The following DYM variants were observed in gnomAD, a reference collection of about 807,000 sequenced individuals.
DYM encodes the protein dyggve-Melchior-Clausen syndrome protein.
A neutral mutation model predicts 93.1 loss-of-function variants in DYM; 78 were observed. The observed-to-expected ratio is 0.84, with a 90% CI of 0.70 to 1.01. DYM has a LOEUF of 1.01. Ranked by LOEUF, DYM falls within the 50% of genes least tolerant of loss-of-function variation. The pLI is 0.00. For synonymous variants in DYM, 321 were observed against 319.7 expected (o/e 1.00, Z -0.04); for missense variants, 789 against 845.0 (o/e 0.93, Z 0.82).
At chr18:49,216,934 C>T (rs1216595159) in intron 13 of DYM, among the ~76,000 whole-genome samples, 2 of 152,156 alleles carry the variant, frequency 1.3e-5, no homozygotes, top group Non-Finnish European at 2.9e-5. Context: ...GAGAAGAAGA[C>T]TTCAGACAAT....
intron 13 of DYM, among the ~76,000 whole-genome samples, chr18:49,236,372 C>A (rs145168237): frequency 6.6e-6 from 1 of 151,732 alleles, no homozygotes; most frequent in Non-Finnish European, 1.5e-5. Context: ...CCTAGCTACT[C>A]GAGAGGCTGA....
At chr18:49,080,800 C>A (rs1316380081) in intron 17 of DYM, among the ~76,000 whole-genome samples, 2 of 148,122 alleles carry the variant, frequency 1.4e-5, no homozygotes, top group South Asian at 2.1e-4. Flanking sequence ...GGATGCCGGG[C>A]GGAGGGTCTC....
chr18:49,111,509 C>A (rs1017668025), intron 16 of DYM, among the ~76,000 whole-genome samples: 1 of 152,140 alleles, frequency 6.6e-6, no homozygotes, highest in Non-Finnish European at 1.5e-5. Flanking sequence ...AATTAGGGCA[C>A]ATCTCTTCTT....
intron 15 of DYM, among the ~76,000 whole-genome samples, chr18:49,153,336 T>C (rs977347035): frequency 2.0e-5 from 3 of 152,180 alleles, no homozygotes; most frequent in Admixed American, 2.0e-4. Flanking sequence ...TCTATTTAAG[T>C]TCAAAGCAGT....
intron 13 of DYM, among the ~76,000 whole-genome samples, chr18:49,224,571 G>A (rs2093466020): frequency 6.6e-6 from 1 of 151,964 alleles, no homozygotes; most frequent in Non-Finnish European, 1.5e-5. Flanking sequence ...GGTCATGAGG[G>A]TACAGCCTTC....
chr18:49,218,775 T>A (rs1276960065), intron 13 of DYM, among the ~76,000 whole-genome samples: 1 of 152,196 alleles, frequency 6.6e-6, no homozygotes, highest in South Asian at 2.1e-4. Context: ...GGGAAATTTA[T>A]AGCACTAAAT....
At chr18:49,431,312 T>C (rs2148469457) in intron 1 of DYM, among the ~76,000 whole-genome samples, 1 of 152,336 alleles carries the variant, frequency 6.6e-6, no homozygotes. Flanking sequence ...CCCTAAACCA[T>C]GCACATTTTT....
intron 17 of DYM, among the ~76,000 whole-genome samples, chr18:49,067,459 A>AGGTTC (rs2076548447): frequency 1.1e-5 from 1 of 89,092 alleles, no homozygotes; most frequent in Non-Finnish European, 2.3e-5. Context: ...AGCACTATGG[A>AGGTTC]AGTTTGGTAG....
intron 8 of DYM, chr18:49,321,020 A>G (rs2062442949): frequency 5.3e-6 from 1 of 189,436 alleles, no homozygotes; most frequent in Admixed American, 6.1e-5. Flanking sequence ...CAGCTGCTTA[A>G]TAAAAGTTTA....
At chr18:49,335,500 C>CT (rs1208829233) in intron 6 of DYM, among the ~76,000 whole-genome samples, 2 of 152,128 alleles carry the variant, frequency 1.3e-5, no homozygotes, top group African/African-American at 4.8e-5. Flanking sequence ...TAAAGCAATT[C>CT]TTGTATTTGT....
At chr18:49,332,158 G>C in intron 7 of DYM, 152 bp from the exon 8 acceptor site, 1 of 791,798 alleles carries the variant, frequency 1.3e-6, no homozygotes, top group Non-Finnish European at 2.0e-6. Flanking sequence ...GCACACAACA[G>C]TGAAGACCAT....
At chr18:49,046,320 CCAGA>C (rs1378213506) in intron 17 of DYM, among the ~76,000 whole-genome samples, 3 of 149,608 alleles carry the variant, frequency 2.0e-5, no homozygotes, top group Admixed American at 6.6e-5. Context: ...CACACACACA[CCAGA>C]CACACACAAT....
At chr18:49,447,676 A>G (rs968462072) in intron 1 of DYM, among the ~76,000 whole-genome samples, 3 of 152,148 alleles carry the variant, frequency 2.0e-5, no homozygotes, top group Non-Finnish European at 4.4e-5. Context: ...AACCGCCCCA[A>G]TGCGGTGTCG....
chr18:49,098,227 G>C (rs1470859062), intron 16 of DYM, among the ~76,000 whole-genome samples: 1 of 152,112 alleles, frequency 6.6e-6, no homozygotes, highest in Non-Finnish European at 1.5e-5. Flanking sequence ...TTAAATTCAA[G>C]AGAATAACAT....
At chr18:49,310,699 T>G (rs891332306) in intron 8 of DYM, among the ~76,000 whole-genome samples, 1 of 152,224 alleles carries the variant, frequency 6.6e-6, no homozygotes, top group African/African-American at 2.4e-5. Context: ...AAAATGTTCC[T>G]CTATATTAGT....
chr18:49,305,671 A>C (rs2061231822), intron 8 of DYM, among the ~76,000 whole-genome samples: 1 of 152,208 alleles, frequency 6.6e-6, no homozygotes, highest in Non-Finnish European at 1.5e-5. Flanking sequence ...ATATTTGTGG[A>C]AATAAGCTGA....
chr18:49,422,773 A>C (rs2073865005), intron 2 of DYM, among the ~76,000 whole-genome samples: 1 of 152,240 alleles, frequency 6.6e-6, no homozygotes, highest in Admixed American at 6.5e-5. Context: ...CAGACTTTAA[A>C]CTAACAAAGA....
intron 13 of DYM, among the ~76,000 whole-genome samples, chr18:49,246,338 GTTTC>G (rs2144837869): frequency 6.6e-6 from 1 of 152,258 alleles, no homozygotes; most frequent in African/African-American, 2.4e-5. Context: ...ACACAACACT[GTTTC>G]TTTGTCTTGG....
chr18:49,072,873 C>T (rs1275827190), intron 17 of DYM, among the ~76,000 whole-genome samples: 4 of 152,180 alleles, frequency 2.6e-5, no homozygotes, highest in African/African-American at 7.2e-5. Flanking sequence ...ACATTGCTAT[C>T]GTGTGCCCCT....
Sources: gnomAD v4.1 joint callset for allele counts (sites outside exome capture counted in the v4.1 genomes callset) on GRCh38, gnomAD v4.1.1 for gene constraint, MANE v1.5 for transcripts, NCBI Gene and HGNC (gene_info 2026-07-23, HGNC 2026-07-21) for gene names.